ORC4: variants seen among roughly 807,000 people sequenced by gnomAD.
ORC4 encodes the protein origin recognition complex subunit 4.
Under a neutral mutation model 63.9 loss-of-function variants are expected in ORC4, and 55 were observed. That is an observed-to-expected ratio of 0.86 (90% CI 0.69 to 1.08). The LOEUF is 1.08. Ranked by LOEUF, ORC4 falls within the 50% of genes least tolerant of loss-of-function variation. The pLI, the probability that ORC4 is intolerant of heterozygous loss-of-function variation, is 0.00. For missense variants in ORC4, 511 were observed against 504.4 expected, an observed-to-expected ratio of 1.01 and a Z score of -0.13; for synonymous variants, 150 against 168.5, an observed-to-expected ratio of 0.89 and a Z score of 0.85.
intron 1 of ORC4, among the ~76,000 whole-genome samples, chr2:148,015,988 CA>C (rs1693258111): frequency 6.6e-6 from 1 of 152,166 alleles, no homozygotes; most frequent in South Asian, 2.1e-4. Flanking sequence ...GATCCTCTTA[CA>C]ATTACATGAG....
At chr2:148,013,218 A>C (rs1693080322) in intron 1 of ORC4, among the ~76,000 whole-genome samples, 1 of 152,224 alleles carries the variant, frequency 6.6e-6, no homozygotes, top group Non-Finnish European at 1.5e-5. Context: ...GAAATGTGGT[A>C]CATATACACA....
At chr2:148,005,912 T>G (rs1234969739) in intron 1 of ORC4, among the ~76,000 whole-genome samples, 2 of 151,916 alleles carry the variant, frequency 1.3e-5, no homozygotes, top group African/African-American at 4.8e-5. Flanking sequence ...GGAGGTCAAT[T>G]GAGGCTGGAA....
chr2:147,992,778 T>C (rs900396243), intron 1 of ORC4, among the ~76,000 whole-genome samples: 2 of 152,084 alleles, frequency 1.3e-5, no homozygotes, highest in Admixed American at 6.6e-5. Flanking sequence ...TAACTTCCTG[T>C]CTCTGGCCTC....
Position 147,961,612 on chromosome 2 carries a change from C to A in ORC4, c.226-2746G>T, listed in dbSNP as rs1456007169. On this transcript the variant is annotated intron_variant, in intron 4 of 13. Transcript: ENST00000392857. ...AACAATGCTCATCTCTTCAACCTGC[C>A]AGCATCAGAGTACATCAGGAATATA... Among the ~76,000 whole-genome samples the A allele has an allele frequency of 3.9e-5, 6 of 152,194 alleles. No homozygotes were observed. In the East Asian group the frequency reaches 1.2e-3, roughly 29 times the overall value.
intron 4 of ORC4, among the ~76,000 whole-genome samples, chr2:147,959,148 C>T (rs532738949): frequency 6.6e-6 from 1 of 151,970 alleles, no homozygotes; most frequent in African/African-American, 2.4e-5. Flanking sequence ...TATTTCTCTA[C>T]ATGTCACATT....
At chr2:147,949,033 G>A (rs1394195827) in intron 8 of ORC4, among the ~76,000 whole-genome samples, 1 of 130,792 alleles carries the variant, frequency 7.6e-6, no homozygotes, top group Non-Finnish European at 1.7e-5. Flanking sequence ...TATTATATAT[G>A]TATATATACA....
rs1481748284 is a variant in ORC4 at position 147,933,473 on chromosome 2, CTT to C, written c.*2035_*2036del. ...TCCTAATGTATTTTTTTTTAATTTG[CTT>C]TATAACGGTTTCATGTTTACCTCAA... On this transcript the variant is annotated 3_prime_UTR_variant, in exon 14 of 14. Transcript: ENST00000392857. 6.6e-6 allele frequency: 1 copy of C among 151,796 alleles called. No homozygotes were observed. Among genetic ancestry groups the C allele is most frequent in the Non-Finnish European group, 1.5e-5 (1 of 67,954 alleles). The allele number at this position is 151,796 out of a possible 1,614,324, so 9.4% of individuals were successfully genotyped here.
chr2:147,960,340 C>A (rs1266447034), intron 4 of ORC4: 4 of 978,030 alleles, frequency 4.1e-6, no homozygotes, highest in Admixed American at 6.2e-5. Flanking sequence ...AGTGAGTCTT[C>A]AAATAATGTT....
At chr2:147,949,677 T>TA (rs1394081193) in intron 8 of ORC4, among the ~76,000 whole-genome samples, 1 of 152,148 alleles carries the variant, frequency 6.6e-6, no homozygotes, top group East Asian at 1.9e-4. Context: ...TCTTATCTCC[T>TA]AAAAATACAT....
In ORC4 at chr2:147,958,886, G is replaced by A. The variant is rs570550623; in HGVS notation, c.226-20C>T. 308 of 974,314 alleles carry A rather than the reference G, an allele frequency of 3.2e-4. 6 individuals carry two copies. Among genetic ancestry groups the A allele is most frequent in the South Asian group, 3.1e-3 (226 of 73,910 alleles). 60.4% of individuals were successfully genotyped at this position (974,314 alleles called of 1,614,324 possible). A position where few individuals can be genotyped will look rare whatever the true frequency, so the allele number is the denominator to read the frequency against. On this transcript the variant is annotated intron_variant, in intron 4 of 13. Transcript: ENST00000392857. Reference sequence around the variant, plus strand: ...TATTAACTAAATATGAAAAGTTTATGAAATAATAATAGGTAAAAGATAAAA... The same window carrying A: ...TATTAACTAAATATGAAAAGTTTATAAAATAATAATAGGTAAAAGATAAAA...
chr2:147,960,784 G>A (rs1689545206), intron 4 of ORC4, among the ~76,000 whole-genome samples: 1 of 152,198 alleles, frequency 6.6e-6, no homozygotes, highest in Admixed American at 6.5e-5. Flanking sequence ...AGTGCTTTGA[G>A]AGGCAGAGGC....
Position 147,935,230 on chromosome 2 carries a change from T to TATA in ORC4, c.*277_*279dup, listed in dbSNP as rs1358696265. Reference sequence around the variant, plus strand: ...AGTGAGCTCTTCAAATAGACCATTATATATATAAGTGTTAAAAAAGCACAT... The same window carrying TATA: ...AGTGAGCTCTTCAAATAGACCATTATATAATATATAAGTGTTAAAAAAGCACAT... On this transcript the variant is annotated 3_prime_UTR_variant, in exon 14 of 14. Coordinates refer to ENST00000392857, the MANE Select transcript of ORC4 (RefSeq NM_181741.4). The TATA allele has an allele frequency of 4.9e-6, 2 of 408,580 alleles. No individual in the cohort carries two copies. The highest frequency in any genetic ancestry group is 9.1e-6 in the Non-Finnish European group (2 of 220,898). The allele number at this position is 408,580 out of a possible 1,614,324, so 25.3% of individuals were successfully genotyped here.
intron 10 of ORC4, among the ~76,000 whole-genome samples, chr2:147,941,718 C>T (rs543257448): frequency 1.8e-4 from 27 of 151,678 alleles, no homozygotes; most frequent in Non-Finnish European, 2.9e-4. Flanking sequence ...GAACAATGGC[C>T]GTTAATATTG....
At chr2:147,993,162 G>A (rs1427024444) in intron 1 of ORC4, among the ~76,000 whole-genome samples, 1 of 152,014 alleles carries the variant, frequency 6.6e-6, no homozygotes, top group African/African-American at 2.4e-5. Context: ...TATATCTTTA[G>A]GTCTTTATTC....
chr2:147,952,043 A>T (rs1688984991), intron 8 of ORC4, among the ~76,000 whole-genome samples: 1 of 152,238 alleles, frequency 6.6e-6, no homozygotes. Context: ...ATCTTAAAAT[A>T]AAAACTATTA....
At chr2:147,962,872 CAGA>C (rs1259415487) in intron 4 of ORC4, among the ~76,000 whole-genome samples, 4 of 152,214 alleles carry the variant, frequency 2.6e-5, no homozygotes, top group Non-Finnish European at 4.4e-5. Context: ...AAAAATAGCC[CAGA>C]AGGTTACCCC....
intron 1 of ORC4, among the ~76,000 whole-genome samples, chr2:148,005,747 G>T (rs1692590113): frequency 6.7e-6 from 1 of 150,010 alleles, no homozygotes; most frequent in Admixed American, 6.7e-5. Flanking sequence ...GGAAGGTCAA[G>T]GCGAGTGGAT....
chr2:147,996,773 T>C (rs1351935643), intron 1 of ORC4, among the ~76,000 whole-genome samples: 1 of 152,186 alleles, frequency 6.6e-6, no homozygotes, highest in Non-Finnish European at 1.5e-5. Context: ...AGTGAGAAGG[T>C]AGAGCAATGG....
intron 4 of ORC4, among the ~76,000 whole-genome samples, chr2:147,970,893 G>A (rs1690172864): frequency 6.6e-6 from 1 of 152,028 alleles, no homozygotes; most frequent in Admixed American, 6.6e-5. Context: ...CCAGCACTTT[G>A]GAAAGCTAAG....
Sources: gnomAD v4.1 joint callset for allele counts (sites outside exome capture counted in the v4.1 genomes callset) on GRCh38, gnomAD v4.1.1 for gene constraint, MANE v1.5 for transcripts, NCBI Gene and HGNC (gene_info 2026-07-23, HGNC 2026-07-21) for gene names.